Variants in AFF3 observed in about 807,000 individuals in gnomAD.
The protein encoded by AFF3 is AF4/FMR2 family member 3.
A neutral mutation model predicts 129.7 loss-of-function variants in AFF3; 32 were observed. The ratio of observed to expected loss-of-function variants is 0.25; its 90% CI spans 0.19 to 0.33. The LOEUF (loss-of-function observed/expected upper bound fraction) is 0.33, where lower values mean the gene tolerates loss of function less well. Among genes scored for constraint, AFF3 ranks in the 10% least tolerant of loss-of-function variants. The pLI is 1.00. For synonymous variants in AFF3, 644 were observed against 635.4 expected (o/e 1.01, Z -0.20); for missense variants, 1,373 against 1,592.0 (o/e 0.86, Z 2.34).
In AFF3 at chr2:99,869,141, G is replaced by A. The variant is rs148925765; in HGVS notation, c.874-31617C>T. Among the ~76,000 whole-genome samples the A allele has an allele frequency of 3.7e-3, 557 of 152,036 alleles. 3 individuals are homozygous for A. Among genetic ancestry groups the A allele is most frequent in the Non-Finnish European group, 5.9e-3 (398 of 67,974 alleles). ...TAAGTTCCTAGTTCTGGACTTCCAG[G>A]TGGCACCTGCCACACCTACTGCACC... On this transcript the variant is annotated intron_variant, in intron 7 of 24. Coordinates refer to ENST00000672756, the MANE Select transcript of AFF3 (RefSeq NM_001386135.1).
chr2:99,689,224 TA>T (rs141585375), intron 11 of AFF3, among the ~76,000 whole-genome samples: 17,045 of 152,168 alleles, frequency 0.11, 1,159 homozygotes, highest in African/African-American at 0.19. Context: ...CCCTATGATT[TA>T]AATTCCTAAC....
intron 11 of AFF3, among the ~76,000 whole-genome samples, chr2:99,703,749 G>A (rs1421273468): frequency 6.6e-6 from 1 of 151,730 alleles, no homozygotes; most frequent in Non-Finnish European, 1.5e-5. Context: ...AGGCTGGAGT[G>A]CAGTGGCATG....
intron 8 of AFF3, among the ~76,000 whole-genome samples, chr2:99,768,153 T>G (rs1683172886): frequency 6.6e-6 from 1 of 152,226 alleles, no homozygotes; most frequent in Non-Finnish European, 1.5e-5. Context: ...ATTTTAGTTT[T>G]TAATTGAAAA....
At chr2:99,912,778 G>T (rs1695191091) in intron 7 of AFF3, among the ~76,000 whole-genome samples, 1 of 152,170 alleles carries the variant, frequency 6.6e-6, no homozygotes, top group Non-Finnish European at 1.5e-5. Context: ...TGCCAAAATT[G>T]CATATCCATG....
intron 8 of AFF3, among the ~76,000 whole-genome samples, chr2:99,767,127 C>A (rs747217626): frequency 7.9e-5 from 12 of 152,178 alleles, no homozygotes; most frequent in Non-Finnish European, 5.9e-5. Context: ...ATGCGTTCAA[C>A]CAAACACACA....
intron 11 of AFF3, among the ~76,000 whole-genome samples, chr2:99,704,032 C>G (rs1171152001): frequency 6.6e-6 from 1 of 152,140 alleles, no homozygotes; most frequent in African/African-American, 2.4e-5. Context: ...GAGACCTTAC[C>G]TCCATTTAGA....
chr2:99,865,802 G>A (rs950008068), intron 7 of AFF3, among the ~76,000 whole-genome samples: 4 of 152,180 alleles, frequency 2.6e-5, no homozygotes, highest in South Asian at 2.1e-4. Context: ...CATTTATTCC[G>A]GGGGTGTGAG....
At chr2:99,771,450 A>G (rs1425204828) in intron 8 of AFF3, among the ~76,000 whole-genome samples, 1 of 151,904 alleles carries the variant, frequency 6.6e-6, no homozygotes, top group African/African-American at 2.4e-5. Flanking sequence ...CACACTCAAC[A>G]GCATGCCAGG....
intron 11 of AFF3, among the ~76,000 whole-genome samples, chr2:99,678,668 C>G (rs922091506): frequency 6.6e-6 from 1 of 152,226 alleles, no homozygotes; most frequent in Admixed American, 6.5e-5. Flanking sequence ...CTGCTACTAT[C>G]TCCACCTACG....
intron 12 of AFF3, among the ~76,000 whole-genome samples, chr2:99,669,294 G>A (rs768221262): frequency 1.3e-5 from 2 of 152,090 alleles, no homozygotes; most frequent in Admixed American, 6.6e-5. Context: ...TCTACTCCCC[G>A]ACCCCTGCCA....
At chr2:99,633,057 C>T (rs138746244) in intron 13 of AFF3, among the ~76,000 whole-genome samples, 7 of 152,114 alleles carry the variant, frequency 4.6e-5, no homozygotes, top group Non-Finnish European at 7.4e-5. Flanking sequence ...GAGACACGGG[C>T]TATTTGGAAT....
chr2:100,128,265 T>C (rs966728894), intron 2 of AFF3, among the ~76,000 whole-genome samples: 1 of 152,230 alleles, frequency 6.6e-6, no homozygotes, highest in Admixed American at 6.5e-5. Flanking sequence ...CACTTGACTC[T>C]GTGAACTCGC....
intron 8 of AFF3, among the ~76,000 whole-genome samples, chr2:99,831,846 TTGTGTTGC>T (rs1352225740): frequency 2.0e-5 from 3 of 152,206 alleles, no homozygotes; most frequent in Non-Finnish European, 4.4e-5. Flanking sequence ...CCCTCTTGTT[TTGTGTTGC>T]TGGGGCTGGA....
chr2:99,794,184 T>C (rs987803225), intron 8 of AFF3, among the ~76,000 whole-genome samples: 2 of 152,236 alleles, frequency 1.3e-5, no homozygotes, highest in African/African-American at 4.8e-5. Flanking sequence ...TATTTTCCTT[T>C]TGCTATGGGT....
At chr2:99,950,628 A>G (rs1676067459) in intron 7 of AFF3, among the ~76,000 whole-genome samples, 1 of 152,228 alleles carries the variant, frequency 6.6e-6, no homozygotes, top group African/African-American at 2.4e-5. Flanking sequence ...AAATCATTTT[A>G]TCTTACAACC....
chr2:99,721,973 A>C (rs888609771), intron 11 of AFF3, among the ~76,000 whole-genome samples: 11 of 152,022 alleles, frequency 7.2e-5, no homozygotes, highest in Non-Finnish European at 1.2e-4. Context: ...TTTAATCTTT[A>C]TTCTGTTTTT....
In AFF3 at chr2:99,726,298, T is replaced by C. The variant is rs549833587; in HGVS notation, c.1091+779A>G. 2.6e-5 allele frequency among the ~76,000 whole-genome samples: 4 copies of C among 152,272 alleles called. No homozygotes were observed. In the South Asian group the frequency reaches 6.2e-4, roughly 24 times the overall value. ...AATCAACAGCACTTAAAAAATGCTG[T>C]TTTTTAAAATCCTGATCCCCATACA... is the stretch of plus-strand genomic sequence containing the variant. On this transcript the variant is annotated intron_variant, in intron 11 of 24. Transcript: ENST00000672756.
At chr2:99,946,465 C>T (rs1048908419) in intron 7 of AFF3, among the ~76,000 whole-genome samples, 19 of 99,152 alleles carry the variant, frequency 1.9e-4, no homozygotes, top group African/African-American at 7.4e-4. Context: ...CAGAGTGAGA[C>T]GCCATCTTAA....
intron 17 of AFF3, among the ~76,000 whole-genome samples, chr2:99,579,076 C>G (rs1009545754): frequency 2.6e-5 from 4 of 152,148 alleles, no homozygotes; most frequent in Non-Finnish European, 4.4e-5. Context: ...TCTGTGAAGA[C>G]CAGAAGGAGT....
Sources: gnomAD v4.1 joint callset for allele counts (sites outside exome capture counted in the v4.1 genomes callset) on GRCh38, gnomAD v4.1.1 for gene constraint, MANE v1.5 for transcripts, NCBI Gene and HGNC (gene_info 2026-07-23, HGNC 2026-07-21) for gene names.